Variants in FZD3 observed in about 807,000 individuals in gnomAD.
FZD3 encodes frizzled class receptor 3, also known as frizzled-3.
FZD3 carries 30 observed loss-of-function variants against 60.7 expected under a neutral mutation model. The observed-to-expected ratio is 0.49, with a 90% CI of 0.37 to 0.67. The LOEUF (loss-of-function observed/expected upper bound fraction) is 0.67. Among genes scored for constraint, FZD3 ranks in the 30% least tolerant of loss-of-function variants. FZD3 has a pLI of 0.00. For synonymous variants in FZD3, 246 were observed against 275.2 expected (o/e 0.89, Z 1.05); for missense variants, 605 against 838.7 (o/e 0.72, Z 3.44).
chr8:28,557,431 T>G (rs965165782), intron 7 of FZD3, among the ~76,000 whole-genome samples: 1 of 152,162 alleles, frequency 6.6e-6, no homozygotes, highest in South Asian at 2.1e-4. Flanking sequence ...TCAGTCTCAG[T>G]CTTCTCCCTG....
intron 5 of FZD3, among the ~76,000 whole-genome samples, chr8:28,533,975 A>T (rs548634432): frequency 6.6e-6 from 1 of 152,206 alleles, no homozygotes; most frequent in Non-Finnish European, 1.5e-5. Context: ...TACTATAAAC[A>T]TGAACTCTTA....
At chr8:28,501,283 T>C (rs903563161) in intron 2 of FZD3, among the ~76,000 whole-genome samples, 1 of 152,226 alleles carries the variant, frequency 6.6e-6, no homozygotes, top group African/African-American at 2.4e-5. Context: ...ATTGGGAAGA[T>C]TCAGTCACTG....
intron 5 of FZD3, among the ~76,000 whole-genome samples, chr8:28,532,183 A>G (rs1804893968): frequency 1.3e-5 from 2 of 152,196 alleles, no homozygotes; most frequent in East Asian, 1.9e-4. Context: ...TCAACTCCAC[A>G]TCTTCTTTAC....
chr8:28,534,479 A>G (rs1804960176), intron 5 of FZD3, among the ~76,000 whole-genome samples: 1 of 152,070 alleles, frequency 6.6e-6, no homozygotes, highest in Non-Finnish European at 1.5e-5. Flanking sequence ...TTTGAGCCCA[A>G]GAGGTCAAGG....
chr8:28,530,938 T>C (rs78495761), intron 5 of FZD3, among the ~76,000 whole-genome samples: 2 of 152,304 alleles, frequency 1.3e-5, no homozygotes, highest in Admixed American at 6.5e-5. Flanking sequence ...TGTTTCCTTT[T>C]ACTAATATAA....
intron 3 of FZD3, among the ~76,000 whole-genome samples, chr8:28,516,468 G>T (rs956063233): frequency 1.3e-5 from 2 of 152,160 alleles, no homozygotes; most frequent in Non-Finnish European, 2.9e-5. Flanking sequence ...GGATTACACC[G>T]AATCTGTAGG....
At chr8:28,543,269 T>A (rs1194805475) in intron 5 of FZD3, among the ~76,000 whole-genome samples, 1 of 152,246 alleles carries the variant, frequency 6.6e-6, no homozygotes, top group Non-Finnish European at 1.5e-5. Flanking sequence ...TACAAATAAT[T>A]ATTTTTCTTC....
chr8:28,550,479 A>ATTTT (rs1805385873), intron 5 of FZD3, among the ~76,000 whole-genome samples: 2 of 59,166 alleles, frequency 3.4e-5, no homozygotes, highest in African/African-American at 7.0e-5. Context: ...TTCTTCTTTT[A>ATTTT]TCTTTTTTTT....
chr8:28,527,321 T>G lies in FZD3; in HGVS notation c.561T>G (p.Pro187=). The stretch of plus-strand genomic sequence containing the variant: ...TTCTGCATGTGCGTGATTGTTCACC[T>G]CCTTGTCCAAATATGTACTTCAGAA... ...YSFLHVRDCS[P]PCPNMYFRRE... The change falls in exon 5 of 8, where the codon CCT becomes CCG. Residue 187 remains proline (P), a synonymous_variant. Transcript: ENST00000240093. This position sits in a 1 kb window ranked among gnomAD's most constrained non-coding sequence, Gnocchi z 5.0. The G allele has an allele frequency of 1.2e-6, 2 of 1,614,052 alleles. No homozygotes were observed. Among genetic ancestry groups the G allele is most frequent in the Non-Finnish European group, 1.7e-6 (2 of 1,179,884 alleles).
intron 5 of FZD3, among the ~76,000 whole-genome samples, chr8:28,531,843 A>G (rs1483667054): frequency 6.6e-6 from 1 of 151,170 alleles, no homozygotes; most frequent in Non-Finnish European, 1.5e-5. Flanking sequence ...CGTTACAGAT[A>G]TTTTCTGCTT....
intron 3 of FZD3, 125 bp from the exon 4 acceptor site, chr8:28,520,513 C>T: frequency 3.4e-6 from 2 of 591,040 alleles, no homozygotes; most frequent in East Asian, 5.7e-5. Flanking sequence ...AAAAACTCCC[C>T]TTCAGAAAAT....
At chr8:28,520,394 A>G (rs559194400) in intron 3 of FZD3, among the ~76,000 whole-genome samples, 4 of 152,252 alleles carry the variant, frequency 2.6e-5, no homozygotes, top group South Asian at 2.1e-4. Flanking sequence ...TTCTTCATCA[A>G]TATCACCTGT....
At position 28,527,156 on chromosome 8, in the gene FZD3, T is replaced by C. The variant is rs778096670; in HGVS notation, c.396T>C (p.Asp132=). The C allele has an allele frequency of 6.2e-7, 1 of 1,600,248 alleles. No individual in the cohort carries two copies. Among genetic ancestry groups the C allele is most frequent in the African/African-American group, 1.4e-5 (1 of 73,846 alleles). ...PEDMECSRFP[D]CDEPYPRLVD... The stretch of plus-strand genomic sequence containing the variant: ...TTGTTTTGTTTTTTAGGTTCCCAGA[T>C]TGTGATGAGCCATATCCTCGACTTG... Residue 132 remains aspartate (D), a synonymous_variant, in exon 5 of 8, where the codon GAT becomes GAC. Coordinates refer to ENST00000240093, the MANE Select transcript of FZD3 (RefSeq NM_017412.4). The surrounding 1 kb of genome is among the most constrained non-coding windows in gnomAD (Gnocchi z 5.0).
At chr8:28,539,084 T>A (rs1805094374) in intron 5 of FZD3, among the ~76,000 whole-genome samples, 1 of 152,160 alleles carries the variant, frequency 6.6e-6, no homozygotes, top group Non-Finnish European at 1.5e-5. Context: ...ATGATAGTTA[T>A]ACCCTATATC....
At chr8:28,561,458 ATCT>A (rs1805610981) in intron 7 of FZD3, among the ~76,000 whole-genome samples, 1 of 152,160 alleles carries the variant, frequency 6.6e-6, no homozygotes, top group African/African-American at 2.4e-5. Flanking sequence ...TGGTGTATGA[ATCT>A]ATCTTTAAAT....
At chr8:28,531,724 AT>A (rs1411566692) in intron 5 of FZD3, among the ~76,000 whole-genome samples, 2 of 152,070 alleles carry the variant, frequency 1.3e-5, no homozygotes, top group African/African-American at 4.8e-5. Context: ...TTTATTGGCC[AT>A]TTGGGGTTTC....
chr8:28,527,927 C>G lies in FZD3; in HGVS notation c.1167C>G (p.Leu389=). The change falls in exon 5 of 8, where the codon CTC becomes CTG. Residue 389 remains leucine (L), a synonymous_variant. Transcript: ENST00000240093. This position sits in a 1 kb window ranked among gnomAD's most constrained non-coding sequence, Gnocchi z 5.0. Reference sequence around the variant, plus strand: ...TGTATGTGGTAGTTGGGGTTTCTCTCCTCTTAGCTGGCATTATATCCCTAA... The same window carrying G: ...TGTATGTGGTAGTTGGGGTTTCTCTGCTCTTAGCTGGCATTATATCCCTAA... The part of the protein sequence containing the change: ...LCLYVVVGVS[L]LLAGIISLNR... The G allele has an allele frequency of 1.2e-6, 2 of 1,614,032 alleles. No homozygotes were observed. The highest frequency in any genetic ancestry group is 1.7e-6 in the Non-Finnish European group (2 of 1,179,920).
At chr8:28,562,738 A>T in intron 7 of FZD3, 60 bp from the exon 8 acceptor site, 1 of 981,312 alleles carries the variant, frequency 1.0e-6, no homozygotes, top group Non-Finnish European at 1.6e-6. Context: ...GAAAATTATT[A>T]GTGTTATTAT....
intron 1 of FZD3, among the ~76,000 whole-genome samples, chr8:28,498,838 T>C (rs1803915446): frequency 6.6e-6 from 1 of 152,218 alleles, no homozygotes; most frequent in African/African-American, 2.4e-5. Context: ...ATGCTTGGAT[T>C]ACAGGCGTGA....
Sources: allele counts gnomAD v4.1 joint callset (sites outside exome capture counted in the v4.1 genomes callset), GRCh38; gene constraint gnomAD v4.1.1; non-coding constraint Gnocchi (gnomAD v3.1); transcripts MANE v1.5; gene names NCBI Gene and HGNC (gene_info 2026-07-23, HGNC 2026-07-21).